Variants in LAMA4 observed in about 807,000 individuals in gnomAD.
LAMA4 encodes the protein laminin subunit alpha 4, also known as laminin subunit alpha-4.
LAMA4 carries 127 observed loss-of-function variants against 207.1 expected under a neutral mutation model. That is an observed-to-expected ratio of 0.61 (90% CI 0.53 to 0.71). The LOEUF (loss-of-function observed/expected upper bound fraction) is 0.71, where lower values mean the gene tolerates loss of function less well. Ranked by LOEUF, LAMA4 falls within the 30% of genes least tolerant of loss-of-function variation. The pLI, the probability that LAMA4 is intolerant of heterozygous loss-of-function variation, is 0.00. For missense variants in LAMA4, 2,093 were observed against 2,246.5 expected (o/e 0.93, Z 1.38); for synonymous variants, 761 against 816.0 (o/e 0.93, Z 1.15).
At position 112,139,208 on chromosome 6, in the gene LAMA4, C is replaced by A. The variant is rs1554332360; in HGVS notation, c.3194G>T (p.Arg1065Met). Reference sequence around the variant, plus strand: ...AGTCACCTGACCAAATTTCCCTCTCCTTGTGATGTCTCTCACCACGGCATA... The same window carrying A: ...AGTCACCTGACCAAATTTCCCTCTCATTGTGATGTCTCTCACCACGGCATA... ...SGYAVVRDIT[R>M]RGKFGQVTRF... Residue 1065 changes from arginine (R) to methionine (M), a missense_variant, in exon 24 of 39, where the codon AGG becomes ATG. Coordinates refer to ENST00000230538, the MANE Select transcript of LAMA4 (RefSeq NM_001105206.3). The A allele has an allele frequency of 6.2e-7, 1 of 1,614,180 alleles. No homozygotes were observed. Among genetic ancestry groups the A allele is most frequent in the Non-Finnish European group, 8.5e-7 (1 of 1,180,008 alleles).
chr6:112,136,172 A>G lies in LAMA4; in HGVS notation c.3365T>C (p.Leu1122Pro), dbSNP rs189581734. The change falls in exon 25 of 39, where the codon CTT becomes CCT. Residue 1122 changes from leucine to proline, a missense_variant. Leu to Pro is a moderately conservative substitution (Grantham distance 98, BLOSUM62 -3). This residue lies in a region of LAMA4 where 1,704 missense variants were observed against 1,788.4 expected (regional missense o/e 0.95). Coordinates refer to ENST00000230538, the MANE Select transcript of LAMA4 (RefSeq NM_001105206.3). ...TTGAGCTTTCTTTAACGTATCTTCAAGATGCACAGGGCCACCGCTGAATCC... is the reference window on the plus strand; with the variant it reads ...TTGAGCTTTCTTTAACGTATCTTCAGGATGCACAGGGCCACCGCTGAATCC... ...DFGFSGGPVH[L>P]EDTLKKAQIN... 5.0e-6 allele frequency: 8 copies of G among 1,612,904 alleles called. No homozygotes were observed. The Admixed American group carries it at 1.0e-4, about 20-fold the overall frequency.
At chr6:112,178,453 G>GT in intron 9 of LAMA4, 1 of 538,346 alleles carries the variant, frequency 1.9e-6, no homozygotes, top group Non-Finnish European at 3.3e-6. Flanking sequence ...GTAAGTTATT[G>GT]GGGTATAGGT....
At chr6:112,182,196 C>T (rs1233853530) in intron 9 of LAMA4, among the ~76,000 whole-genome samples, 1 of 152,022 alleles carries the variant, frequency 6.6e-6, no homozygotes, top group Admixed American at 6.5e-5. Context: ...CCCTCAGCAT[C>T]CATGGGAGAT....
chr6:112,183,966 A>AAG (rs1562705416), intron 9 of LAMA4, among the ~76,000 whole-genome samples: 1 of 151,514 alleles, frequency 6.6e-6, no homozygotes, highest in Non-Finnish European at 1.5e-5. Context: ...AAAAAAAAAA[A>AAG]AAAGAAAAAA....
chr6:112,133,035 G>A, intron 27 of LAMA4, 145 bp from the exon 28 acceptor site: 1 of 864,726 alleles, frequency 1.2e-6, no homozygotes. Flanking sequence ...TGGAATTCAG[G>A]CATACACTAG....
intron 15 of LAMA4, chr6:112,155,170 G>T (rs556636553): frequency 1.2e-5 from 7 of 607,400 alleles, no homozygotes; most frequent in Admixed American, 5.5e-5. Flanking sequence ...AGTGAACCTA[G>T]AACAAAGCCC....
intron 9 of LAMA4, 108 bp from the exon 10 acceptor site, chr6:112,178,340 C>A (rs1782145100): frequency 1.3e-6 from 1 of 787,008 alleles, no homozygotes; most frequent in Non-Finnish European, 2.2e-6. Context: ...GTAAATCTTC[C>A]TGGCATGTGA....
chr6:112,182,315 T>C (rs913932774), intron 9 of LAMA4, among the ~76,000 whole-genome samples: 19 of 152,116 alleles, frequency 1.2e-4, no homozygotes, highest in African/African-American at 3.9e-4. Context: ...CTATATATAT[T>C]ATATCTAAAT....
At chr6:112,246,369 C>G (rs1786925547) in intron 2 of LAMA4, among the ~76,000 whole-genome samples, 1 of 151,950 alleles carries the variant, frequency 6.6e-6, no homozygotes, top group Non-Finnish European at 1.5e-5. Context: ...TATGTCTGGC[C>G]ATCATTATAT....
chr6:112,215,405 TACAC>T (rs1784570218), intron 3 of LAMA4, among the ~76,000 whole-genome samples: 1 of 152,240 alleles, frequency 6.6e-6, no homozygotes, highest in Non-Finnish European at 1.5e-5. Flanking sequence ...CACTTTCATG[TACAC>T]ACCTAAGAGG....
chr6:112,204,281 G>A (rs1783925988), intron 4 of LAMA4, among the ~76,000 whole-genome samples: 1 of 152,130 alleles, frequency 6.6e-6, no homozygotes, highest in Non-Finnish European at 1.5e-5. Flanking sequence ...ATAAGTGCTC[G>A]ATAAATATCT....
At position 112,201,670 on chromosome 6, in the gene LAMA4, A is replaced by G. The variant is rs1335070948; in HGVS notation, c.441T>C (p.Tyr147=). Residue 147 remains tyrosine, a synonymous_variant, in exon 5 of 39, where the codon TAT becomes TAC. Transcript: ENST00000230538. ...PHLANFAESC[Y]RKNGAVRCIC... ...TGCACCGAACAGCTCCATTTTTCCT[A>G]TAGCAGGATTCTGCAAAACTAAAAT... 7 of 1,613,806 alleles carry G rather than the reference A, an allele frequency of 4.3e-6. No individual in the cohort carries two copies. The highest frequency in any genetic ancestry group is 1.3e-5 in the African/African-American group (1 of 74,914).
At chr6:112,184,279 C>T (rs1413924517) in intron 9 of LAMA4, among the ~76,000 whole-genome samples, 17 of 147,394 alleles carry the variant, frequency 1.2e-4, no homozygotes, top group East Asian at 2.0e-4. Context: ...TTTTGGAAAG[C>T]GGCAATTCTG....
intron 7 of LAMA4, among the ~76,000 whole-genome samples, chr6:112,188,305 C>T (rs1325600955): frequency 1.3e-5 from 2 of 152,188 alleles, no homozygotes; most frequent in African/African-American, 4.8e-5. Context: ...GGGAATGATT[C>T]CCAGCCAGTA....
At chr6:112,240,806 G>A (rs1034848267) in intron 2 of LAMA4, among the ~76,000 whole-genome samples, 6 of 151,924 alleles carry the variant, frequency 3.9e-5, no homozygotes, top group Non-Finnish European at 5.9e-5. Context: ...GGACACTTAG[G>A]TTGCCTCCAA....
At chr6:112,185,172 A>G in intron 9 of LAMA4, 65 bp downstream of exon 9, 4 of 1,071,634 alleles carry the variant, frequency 3.7e-6, no homozygotes, top group South Asian at 2.5e-5. Flanking sequence ...GTGACCAGCC[A>G]GCCTCACATC....
At chr6:112,176,861 A>G (rs1782054257) in intron 10 of LAMA4, among the ~76,000 whole-genome samples, 1 of 152,232 alleles carries the variant, frequency 6.6e-6, no homozygotes, top group African/African-American at 2.4e-5. Flanking sequence ...TCCCATTTAC[A>G]TTTCCTTTGC....
At chr6:112,176,394 T>C (rs1782027228) in intron 10 of LAMA4, among the ~76,000 whole-genome samples, 1 of 152,340 alleles carries the variant, frequency 6.6e-6, no homozygotes, top group African/African-American at 2.4e-5. Context: ...TTTACTATGA[T>C]CTATGTGGTT....
chr6:112,166,701 T>C (rs1554340054), intron 12 of LAMA4, among the ~76,000 whole-genome samples: 3 of 152,234 alleles, frequency 2.0e-5, no homozygotes, highest in Non-Finnish European at 4.4e-5. Flanking sequence ...ACTTACCGTA[T>C]ATAGCATTAG....
Sources: gnomAD v4.1 joint callset for allele counts (sites outside exome capture counted in the v4.1 genomes callset) on GRCh38, gnomAD v4.1.1 for gene constraint, gnomAD v4.1.1 regional missense constraint, MANE v1.5 for transcripts, NCBI Gene and HGNC (gene_info 2026-07-23, HGNC 2026-07-21) for gene names.